Variants in PPFIA2 observed in about 807,000 individuals in gnomAD.
PPFIA2 encodes PPFI scaffold protein A2.
A neutral mutation model predicts 175.5 loss-of-function variants in PPFIA2; 46 were observed. That is an observed-to-expected ratio of 0.26 (90% CI 0.21 to 0.34). The LOEUF (loss-of-function observed/expected upper bound fraction) is 0.34, where lower values mean the gene tolerates loss of function less well. Among genes scored for constraint, PPFIA2 ranks in the 10% least tolerant of loss-of-function variants. PPFIA2 has a pLI of 1.00. For synonymous variants in PPFIA2, 568 were observed against 511.4 expected (o/e 1.11, Z -1.49); for missense variants, 1,179 against 1,506.1 (o/e 0.78, Z 3.60).
rs1199178386 is a variant in PPFIA2, at chr12:81,275,851, C to A, written c.3310+1466G>T. Among the ~76,000 whole-genome samples, 5 of 150,256 alleles carry A rather than the reference C, an allele frequency of 3.3e-5. No homozygotes were observed. In the East Asian group the frequency reaches 7.9e-4, roughly 24 times the overall value. Reference sequence around the variant, plus strand: ...CTGGAGTGCAGTGCAGTGGGGCAATCTCGGCTCACTGCAAGCTCTGCCTCC... The same window carrying A: ...CTGGAGTGCAGTGCAGTGGGGCAATATCGGCTCACTGCAAGCTCTGCCTCC... On this transcript the variant is annotated intron_variant, in intron 28 of 32. Transcript: ENST00000549396.
chr12:81,450,124 T>G (rs1312493746), intron 5 of PPFIA2, among the ~76,000 whole-genome samples: 36 of 152,180 alleles, frequency 2.4e-4, no homozygotes, highest in African/African-American at 5.5e-4. Flanking sequence ...CTTTATAGCA[T>G]CATGATTTAT....
chr12:81,738,867 T>C (rs2081976627), intron 3 of PPFIA2, among the ~76,000 whole-genome samples: 2 of 151,820 alleles, frequency 1.3e-5, no homozygotes, highest in Admixed American at 1.3e-4. Flanking sequence ...ACAGACACAT[T>C]GAAATTAGAA....
intron 24 of PPFIA2, 166 bp from the exon 25 acceptor site, chr12:81,284,469 C>A (rs1054718407): frequency 1.9e-6 from 1 of 540,394 alleles, no homozygotes; most frequent in Admixed American, 3.0e-5. Flanking sequence ...CTCAGAGCTC[C>A]CTGTTTCTTC....
At chr12:81,711,767 T>G (rs2077958091) in intron 3 of PPFIA2, among the ~76,000 whole-genome samples, 1 of 150,826 alleles carries the variant, frequency 6.6e-6, no homozygotes, top group Non-Finnish European at 1.5e-5. Context: ...TCTTTTGGGA[T>G]GGGCTATACT....
At chr12:81,314,792 A>G (rs184881496) in intron 22 of PPFIA2, among the ~76,000 whole-genome samples, 37 of 152,062 alleles carry the variant, frequency 2.4e-4, no homozygotes, top group South Asian at 1.0e-3. Context: ...TGATTCAGAC[A>G]TATTTTTAAA....
chr12:81,427,414 C>T (rs545565996), intron 7 of PPFIA2, among the ~76,000 whole-genome samples: 3 of 152,032 alleles, frequency 2.0e-5, no homozygotes, highest in South Asian at 4.2e-4. Flanking sequence ...TGTGTGGGTT[C>T]GGGGTATTGT....
At chr12:81,557,685 T>G (rs2069147024) in intron 4 of PPFIA2, among the ~76,000 whole-genome samples, 1 of 152,044 alleles carries the variant, frequency 6.6e-6, no homozygotes, top group African/African-American at 2.4e-5. Context: ...GTATAGAAAT[T>G]TCCTTTCTCT....
chr12:81,522,344 A>C (rs1048277429), intron 4 of PPFIA2, among the ~76,000 whole-genome samples: 3 of 152,188 alleles, frequency 2.0e-5, no homozygotes, highest in African/African-American at 7.2e-5. Context: ...CAATATAAGG[A>C]AAGTTGGATG....
chr12:81,560,016 C>A (rs946868076), intron 4 of PPFIA2, among the ~76,000 whole-genome samples: 5 of 152,266 alleles, frequency 3.3e-5, no homozygotes, highest in Middle Eastern at 3.4e-3. Context: ...CTAACAGACA[C>A]TGAAGAGCTA....
chr12:81,266,905 TTTTC>T, intron 30 of PPFIA2, 43 bp downstream of exon 30: 1 of 1,360,910 alleles, frequency 7.3e-7, no homozygotes, highest in African/African-American at 1.4e-5. Context: ...GTTCTATCAT[TTTTC>T]TTTTACTCTC....
chr12:81,345,888 C>A (rs1275163006), intron 18 of PPFIA2, among the ~76,000 whole-genome samples: 1 of 152,122 alleles, frequency 6.6e-6, no homozygotes, highest in African/African-American at 2.4e-5. Context: ...TATCTCAGCA[C>A]ATTGGCTAAA....
intron 21 of PPFIA2, among the ~76,000 whole-genome samples, chr12:81,335,038 G>T (rs909339445): frequency 4.6e-5 from 7 of 152,110 alleles, no homozygotes; most frequent in Middle Eastern, 3.2e-3. Context: ...TATTTCTAGC[G>T]TTTCAGTAGC....
chr12:81,556,353 G>A (rs2068857832), intron 4 of PPFIA2, among the ~76,000 whole-genome samples: 1 of 151,832 alleles, frequency 6.6e-6, no homozygotes, highest in Admixed American at 6.6e-5. Context: ...ATGCAAATGG[G>A]TTTATTGGGG....
intron 4 of PPFIA2, among the ~76,000 whole-genome samples, chr12:81,672,355 T>C (rs545587665): frequency 3.3e-5 from 5 of 151,958 alleles, no homozygotes; most frequent in Non-Finnish European, 7.4e-5. Context: ...ATATATATAA[T>C]TTGGTCTAAA....
intron 4 of PPFIA2, among the ~76,000 whole-genome samples, chr12:81,606,667 GT>G (rs1163388059): frequency 1.4e-4 from 21 of 151,850 alleles, no homozygotes; most frequent in African/African-American, 4.4e-4. Context: ...GAGGTTATTT[GT>G]TTTTTGCTTG....
chr12:81,459,679 G>T (rs975662218), intron 4 of PPFIA2, among the ~76,000 whole-genome samples: 1 of 152,120 alleles, frequency 6.6e-6, no homozygotes, highest in African/African-American at 2.4e-5. Flanking sequence ...GCAGAGGGGA[G>T]AAATTAGTGA....
chr12:81,297,234 G>A (rs977829009), intron 23 of PPFIA2, among the ~76,000 whole-genome samples: 2 of 152,170 alleles, frequency 1.3e-5, no homozygotes, highest in Non-Finnish European at 2.9e-5. Context: ...CCCTGTGAGA[G>A]ACTCTGAGCA....
chr12:81,439,704 T>G (rs2049805317), intron 7 of PPFIA2, among the ~76,000 whole-genome samples: 1 of 152,204 alleles, frequency 6.6e-6, no homozygotes, highest in South Asian at 2.1e-4. Flanking sequence ...CGACTGACGT[T>G]CTGCCTGTAG....
rs532729764 is a variant in PPFIA2, at chr12:81,415,121, A to C, written c.646-9218T>G. 2.0e-3 allele frequency among the ~76,000 whole-genome samples: 271 copies of C among 138,448 alleles called. 1 individual carries two copies. Among genetic ancestry groups the C allele is most frequent in the African/African-American group, 7.0e-3 (263 of 37,568 alleles). 90.8% of individuals were successfully genotyped at this position (138,448 alleles called of 152,430 possible). ...CCAAACTGTTCCAGTGAATAATCAA[A>C]TTGCTTTGAGGTAAGAATGAGAGGT... On this transcript the variant is annotated intron_variant, in intron 7 of 32. Coordinates refer to ENST00000549396, the MANE Select transcript of PPFIA2 (RefSeq NM_003625.5).
Sources: allele counts gnomAD v4.1 joint callset (sites outside exome capture counted in the v4.1 genomes callset), GRCh38; gene constraint gnomAD v4.1.1; transcripts MANE v1.5; gene names NCBI Gene and HGNC (gene_info 2026-07-23, HGNC 2026-07-21).